The following IL15RA variants were observed in gnomAD, a reference collection of about 807,000 sequenced individuals.
IL15RA encodes interleukin 15 receptor subunit alpha, also known as interleukin-15 receptor subunit alpha.
Under a neutral mutation model 24.2 loss-of-function variants are expected in IL15RA, and 26 were observed. The observed-to-expected ratio is 1.07, with a 90% CI of 0.79 to 1.49. The LOEUF is 1.49. Among genes scored for constraint, IL15RA ranks in the 40% most tolerant of loss-of-function variants. The probability of loss-of-function intolerance (pLI) is 0.00; values close to 1 mark genes in which losing one functional copy is unlikely to be tolerated. For synonymous variants in IL15RA, 166 were observed against 157.6 expected (o/e 1.05, Z -0.40); for missense variants, 354 against 356.4 (o/e 0.99, Z 0.05).
upstream of IL15RA, chr10:5,977,650 G>C (rs1315459681): frequency 4.8e-6 from 6 of 1,251,508 alleles, no homozygotes; most frequent in South Asian, 1.6e-4. Context: ...GCAAAGCGGT[G>C]ACAGATCCGT....
At chr10:5,954,498 T>G (rs1834252797) in intron 6 of IL15RA, among the ~76,000 whole-genome samples, 1 of 152,292 alleles carries the variant, frequency 6.6e-6, no homozygotes, top group South Asian at 2.1e-4. Flanking sequence ...CTCACTATGT[T>G]GTCCAGGCTG....
chr10:5,975,828 G>A lies in IL15RA; in HGVS notation c.88+1577C>T, dbSNP rs1838357627. Among the ~76,000 whole-genome samples, 1 of 152,170 alleles carries A rather than the reference G, an allele frequency of 6.6e-6. No individual in the cohort carries two copies. The highest frequency in any genetic ancestry group is 1.5e-5 in the Non-Finnish European group (1 of 68,026). On this transcript the variant is annotated intron_variant, in intron 1 of 6. Coordinates refer to ENST00000379977, the MANE Select transcript of IL15RA (RefSeq NM_002189.4). This position sits in a 1 kb window ranked among gnomAD's most constrained non-coding sequence, Gnocchi z 4.8. Reference sequence around the variant, plus strand: ...GAATCGCTTGAACCCAGGAGGCGGAGGTTGCAGTGAGCTGAGATCGCGCTA... The same window carrying A: ...GAATCGCTTGAACCCAGGAGGCGGAAGTTGCAGTGAGCTGAGATCGCGCTA...
rs1837892327 is a variant in IL15RA at position 5,973,212 on chromosome 10, T to C, written c.88+4193A>G. Among the ~76,000 whole-genome samples, 1 of 152,182 alleles carries C rather than the reference T, an allele frequency of 6.6e-6. No individual in the cohort carries two copies. Among genetic ancestry groups the C allele is most frequent in the Non-Finnish European group, 1.5e-5 (1 of 68,026 alleles). Reference sequence around the variant, plus strand: ...CAGACTGGCAACAACTTGTTGTGCATAGTAGCACAAGAAGGAGACTTTGCA... The same window carrying C: ...CAGACTGGCAACAACTTGTTGTGCACAGTAGCACAAGAAGGAGACTTTGCA... On this transcript the variant is annotated intron_variant, in intron 1 of 6. Coordinates refer to ENST00000379977, the MANE Select transcript of IL15RA (RefSeq NM_002189.4). The surrounding 1 kb of genome is among the most constrained non-coding windows in gnomAD (Gnocchi z 4.5).
rs1835229918 is a variant in IL15RA, at chr10:5,960,033, G to A, written c.584-247C>T. On this transcript the variant is annotated intron_variant, in intron 4 of 6. Coordinates refer to ENST00000379977, the MANE Select transcript of IL15RA (RefSeq NM_002189.4). This position sits in a 1 kb window ranked among gnomAD's most constrained non-coding sequence, Gnocchi z 5.1. The stretch of plus-strand genomic sequence containing the variant: ...TCAGCTCCTCCATTCCACAGATCCT[G>A]GCCCCGGACTGTAGGCAGCTTCACC... 6.6e-6 allele frequency among the ~76,000 whole-genome samples: 1 copy of A among 152,186 alleles called. No individual in the cohort carries two copies. Among genetic ancestry groups the A allele is most frequent in the Non-Finnish European group, 1.5e-5 (1 of 68,032 alleles).
Position 5,968,907 on chromosome 10 carries a change from A to T in IL15RA, c.89-2568T>A. On this transcript the variant is annotated intron_variant, in intron 1 of 6. Transcript: ENST00000379977. The surrounding 1 kb of genome is among the most constrained non-coding windows in gnomAD (Gnocchi z 5.4). Reference sequence around the variant, plus strand: ...AGATATTCTGCTCCTTCCCGCCAGGACAGCCAGCCTGTCTCTTGCATCTGT... The same window carrying T: ...AGATATTCTGCTCCTTCCCGCCAGGTCAGCCAGCCTGTCTCTTGCATCTGT... The T allele has an allele frequency of 6.7e-7, 1 of 1,490,332 alleles. No homozygotes were observed. 92.3% of individuals were successfully genotyped at this position (1,490,332 alleles called of 1,614,324 possible).
At position 5,966,262 on chromosome 10, in the gene IL15RA, G is replaced by T. The variant is rs773161996; in HGVS notation, c.166C>A (p.Arg56=). ...TTGAAACCAGAGTTACAAATGTACCGCTCCCTGGAGTACAAGCTGTAGCTC... is the reference window on the plus strand; with the variant it reads ...TTGAAACCAGAGTTACAAATGTACCTCTCCCTGGAGTACAAGCTGTAGCTC... ...VKSYSLYSRE[R]YICNSGFKRK... The change falls in exon 2 of 7, where the codon CGG becomes AGG. Residue 56 remains arginine (R), a synonymous_variant. Coordinates refer to ENST00000379977, the MANE Select transcript of IL15RA (RefSeq NM_002189.4). The surrounding 1 kb of genome is among the most constrained non-coding windows in gnomAD (Gnocchi z 6.4). 7 of 1,614,046 alleles carry T rather than the reference G, an allele frequency of 4.3e-6. No individual in the cohort carries two copies. Among genetic ancestry groups the T allele is most frequent in the Non-Finnish European group, 5.9e-6 (7 of 1,179,912 alleles).
At position 5,966,923 on chromosome 10, in the gene IL15RA, G is replaced by A. The variant is rs1157204813; in HGVS notation, c.89-584C>T. Among the ~76,000 whole-genome samples, 3 of 151,884 alleles carry A rather than the reference G, an allele frequency of 2.0e-5. No homozygotes were observed. Among genetic ancestry groups the A allele is most frequent in the Non-Finnish European group, 2.9e-5 (2 of 67,964 alleles). ...GGAGGCAGAGGTTGCAGTGAGCCAC[G>A]ATCACACCACTGCACTCTAGCCTGG... On this transcript the variant is annotated intron_variant, in intron 1 of 6. Coordinates refer to ENST00000379977, the MANE Select transcript of IL15RA (RefSeq NM_002189.4). This position sits in a 1 kb window ranked among gnomAD's most constrained non-coding sequence, Gnocchi z 6.4.
At chr10:5,949,682 G>A (rs578045277), downstream of IL15RA, among the ~76,000 whole-genome samples, 13 of 152,302 alleles carry the variant, frequency 8.5e-5, no homozygotes, top group East Asian at 5.8e-4. This position sits in a 1 kb window ranked among gnomAD's most constrained non-coding sequence, Gnocchi z 4.4. Flanking sequence ...GGGTTTAAAC[G>A]GGGAAAGTCA....
chr10:5,977,624 G>A (rs1838674713), upstream of IL15RA: 2 of 1,262,490 alleles, frequency 1.6e-6, no homozygotes, highest in South Asian at 2.9e-5. Flanking sequence ...TTTGGCCCCC[G>A]AGGGCTCGGA....
intron 1 of IL15RA, among the ~76,000 whole-genome samples, chr10:5,974,263 G>A (rs1347336007): frequency 6.6e-6 from 1 of 152,122 alleles, no homozygotes; most frequent in South Asian, 2.1e-4. Flanking sequence ...GCCTCCCAAA[G>A]TGCTGGGATT....
At chr10:5,957,111 C>T (rs1834649544) in intron 5 of IL15RA, among the ~76,000 whole-genome samples, 1 of 152,042 alleles carries the variant, frequency 6.6e-6, no homozygotes, top group Non-Finnish European at 1.5e-5. Flanking sequence ...AGGCACACAC[C>T]ACCACGCCTG....
chr10:5,969,092 ACCAATACC>A (rs1837125042), intron 1 of IL15RA, among the ~76,000 whole-genome samples: 2 of 152,108 alleles, frequency 1.3e-5, no homozygotes, highest in African/African-American at 4.8e-5. Context: ...TTGTTTTGAC[ACCAATACC>A]GTGCTGCCTT....
chr10:5,956,607 C>T (rs953413769), intron 5 of IL15RA, among the ~76,000 whole-genome samples, 153 bp from the exon 6 acceptor site: 11 of 152,216 alleles, frequency 7.2e-5, no homozygotes, highest in African/African-American at 1.7e-4. Flanking sequence ...GCAATTCCCC[C>T]GATTCTATGT....
rs571405231 is a variant in IL15RA, at chr10:5,965,518, G to A, written c.283+627C>T. ...AGAGTTAATATTTACCAGGGTTCAC[G>A]CCACCCTCCCACAGCCCGCAGTGTG... On this transcript the variant is annotated intron_variant, in intron 2 of 6. Transcript: ENST00000379977. The surrounding 1 kb of genome is among the most constrained non-coding windows in gnomAD (Gnocchi z 5.8). Among the ~76,000 whole-genome samples, 7 of 152,198 alleles carry A rather than the reference G, an allele frequency of 4.6e-5. No homozygotes were observed. The highest frequency in any genetic ancestry group is 4.6e-4 in the Admixed American group (7 of 15,286).
rs754403095 is a variant in IL15RA, at chr10:5,977,404, C to A, written c.88+1G>T. 118 of 1,320,982 alleles carry A rather than the reference C, an allele frequency of 8.9e-5. No homozygotes were observed. Among genetic ancestry groups the A allele is most frequent in the Non-Finnish European group, 1.1e-4 (113 of 1,031,362 alleles). The allele number at this position is 1,320,982 out of a possible 1,614,324, so 81.8% of individuals were successfully genotyped here. A position where few individuals can be genotyped will look rare whatever the true frequency, so the allele number is the denominator to read the frequency against. On this transcript the variant is annotated splice_donor_variant, in intron 1 of 6. Transcript: ENST00000379977. LOFTEE classifies it high-confidence loss of function. The stretch of plus-strand genomic sequence containing the variant: ...GGGCGCCCCTGCTCCCAGCTCCCTA[C>A]CCCGCGTCGCCGGCGGCCGGAGCAG...
At position 5,964,759 on chromosome 10, in the gene IL15RA, C is replaced by T. The variant is rs1490628307; in HGVS notation, c.284-918G>A. Among the ~76,000 whole-genome samples, 1 of 152,204 alleles carries T rather than the reference C, an allele frequency of 6.6e-6. No individual in the cohort carries two copies. The highest frequency in any genetic ancestry group is 1.5e-5 in the Non-Finnish European group (1 of 68,046). On this transcript the variant is annotated intron_variant, in intron 2 of 6. Transcript: ENST00000379977. This position sits in a 1 kb window ranked among gnomAD's most constrained non-coding sequence, Gnocchi z 5.6. ...TGCAGTGAGAAAGCCCTCATTTTACCTCGGGCAGACAGGTTCCAGGGAGTC... is the reference window on the plus strand; with the variant it reads ...TGCAGTGAGAAAGCCCTCATTTTACTTCGGGCAGACAGGTTCCAGGGAGTC...
At chr10:5,956,536 T>C in intron 5 of IL15RA, 82 bp from the exon 6 acceptor site, 1 of 1,052,782 alleles carries the variant, frequency 9.5e-7, no homozygotes, top group Admixed American at 1.9e-5. Context: ...TGGATGTTCT[T>C]ACAGAGGGAT....
chr10:5,949,828 G>T (rs1306517980), downstream of IL15RA, among the ~76,000 whole-genome samples: 5 of 152,208 alleles, frequency 3.3e-5, no homozygotes, highest in Non-Finnish European at 7.3e-5. The surrounding 1 kb of genome is among the most constrained non-coding windows in gnomAD (Gnocchi z 4.4). Context: ...CAGGCACGGT[G>T]GCTCAAGCCT....
chr10:5,963,854 TA>T lies in IL15RA; in HGVS notation c.284-14del. On this transcript the variant is annotated splice_polypyrimidine_tract_variant and intron_variant, in intron 2 of 6. Coordinates refer to ENST00000379977, the MANE Select transcript of IL15RA (RefSeq NM_002189.4). The surrounding 1 kb of genome is among the most constrained non-coding windows in gnomAD (Gnocchi z 5.3). ...AGGGCAGGGTCTCCTAGAGAGAGGA[TA>T]ACCACATGGCACTTATGATCCTGAG... 1.3e-6 allele frequency: 2 copies of T among 1,529,134 alleles called. No individual in the cohort carries two copies. Among genetic ancestry groups the T allele is most frequent in the Non-Finnish European group, 1.8e-6 (2 of 1,133,184 alleles). The allele number at this position is 1,529,134 out of a possible 1,614,324, so 94.7% of individuals were successfully genotyped here.
Sources: gnomAD v4.1 joint callset for allele counts (sites outside exome capture counted in the v4.1 genomes callset) on GRCh38, gnomAD v4.1.1 for gene constraint, Gnocchi (gnomAD v3.1) non-coding constraint, MANE v1.5 for transcripts, NCBI Gene and HGNC (gene_info 2026-07-23, HGNC 2026-07-21) for gene names.